The following ASH1L variants were observed in gnomAD, a reference collection of about 807,000 sequenced individuals.
The protein encoded by ASH1L is ASH1 like histone lysine methyltransferase.
Under a neutral mutation model 269.0 loss-of-function variants are expected in ASH1L, and 23 were observed. The ratio of observed to expected loss-of-function variants is 0.09; its 90% CI spans 0.06 to 0.12. The LOEUF is 0.12. Ranked by LOEUF, ASH1L falls within the 10% of genes least tolerant of loss-of-function variation. ASH1L has a pLI of 1.00. For synonymous variants in ASH1L, 1,187 were observed against 1,253.5 expected (o/e 0.95, Z 1.12); for missense variants, 2,912 against 3,567.8 (o/e 0.82, Z 4.68).
At chr1:155,427,268 G>A (rs1404028790) in intron 5 of ASH1L, among the ~76,000 whole-genome samples, 1 of 151,300 alleles carries the variant, frequency 6.6e-6, no homozygotes, top group Non-Finnish European at 1.5e-5. Context: ...ATGAGTAGCT[G>A]GGATTACAGG....
intron 12 of ASH1L, among the ~76,000 whole-genome samples, chr1:155,361,900 T>C (rs1206745085): frequency 6.6e-6 from 1 of 151,564 alleles, no homozygotes; most frequent in Non-Finnish European, 1.5e-5. Flanking sequence ...AAAGGCTTAG[T>C]TCACTTATTA....
intron 1 of ASH1L, among the ~76,000 whole-genome samples, chr1:155,553,018 G>A (rs1330572206): frequency 6.6e-6 from 1 of 152,054 alleles, no homozygotes; most frequent in Non-Finnish European, 1.5e-5. Context: ...ATATTTTACA[G>A]TCAAGGAAAC....
At chr1:155,365,372 ATTT>A (rs142145021) in intron 12 of ASH1L, among the ~76,000 whole-genome samples, 4 of 124,234 alleles carry the variant, frequency 3.2e-5, no homozygotes, top group Middle Eastern at 4.5e-3. Context: ...TGCCCGGCTG[ATTT>A]TTTTTTTTTT....
Position 155,479,377 on chromosome 1 carries a change from T to G in ASH1L, c.3493A>C (p.Thr1165Pro), listed in dbSNP as rs199883908. Residue 1165 changes from threonine to proline, a missense_variant, in exon 3 of 28, where the codon ACT becomes CCT. By Grantham distance (38) the Thr-to-Pro change is conservative. Around this residue, in one of 13 missense-constraint regions of ASH1L, gnomAD observed 157 missense variants for 154.6 expected, o/e 1.02. Transcript: ENST00000392403. ...SKGRRRLSPP[T>P]LLPNSPSHLS... is the part of the protein sequence containing the mutation. ...TGCGAAGGAGAATTTGGCAACAAAG[T>G]AGGAGGAGATAACCGCCTCCTCCCC... 3 of 1,614,010 alleles carry G rather than the reference T, an allele frequency of 1.9e-6. No homozygotes were observed. The highest frequency in any genetic ancestry group is 1.7e-6 in the Non-Finnish European group (2 of 1,180,020).
chr1:155,562,301 G>A lies in ASH1L; in HGVS notation c.-248C>T, dbSNP rs762493245. The A allele has an allele frequency of 3.1e-6, 5 of 1,593,772 alleles. No individual in the cohort carries two copies. In the Admixed American group the frequency reaches 6.7e-5, roughly 21 times the overall value. ...GCGGCCAGCGGGTAAGCTGACTGGC[G>A]GAAATGCGAGAGAGGAGAAGGGAAA... On this transcript the variant is annotated 5_prime_UTR_variant, in exon 1 of 28. Coordinates refer to ENST00000392403, the MANE Select transcript of ASH1L (RefSeq NM_018489.3).
At chr1:155,518,426 T>C (rs1461298278) in intron 2 of ASH1L, among the ~76,000 whole-genome samples, 1 of 151,896 alleles carries the variant, frequency 6.6e-6, no homozygotes, top group Non-Finnish European at 1.5e-5. Flanking sequence ...TTTTTTTGCA[T>C]CAGAGGACAC....
intron 1 of ASH1L, among the ~76,000 whole-genome samples, chr1:155,556,525 A>C (rs1022993838): frequency 2.6e-5 from 4 of 150,962 alleles, no homozygotes; most frequent in Non-Finnish European, 4.4e-5. Context: ...GCTCACTGCA[A>C]CCTCCACCTC....
intron 19 of ASH1L, among the ~76,000 whole-genome samples, chr1:155,348,727 C>CA (rs1293842672): frequency 2.6e-5 from 4 of 151,714 alleles, no homozygotes; most frequent in Non-Finnish European, 5.9e-5. Flanking sequence ...ACTAAAAATA[C>CA]AAAATTAGCC....
intron 1 of ASH1L, among the ~76,000 whole-genome samples, chr1:155,535,509 G>C (rs1272889680): frequency 6.6e-6 from 1 of 151,980 alleles, no homozygotes; most frequent in Non-Finnish European, 1.5e-5. Context: ...GGCTGGGTGT[G>C]GTGGTTCACG....
intron 3 of ASH1L, among the ~76,000 whole-genome samples, chr1:155,473,844 TA>T (rs767069809): frequency 1.3e-5 from 2 of 151,908 alleles, no homozygotes. Flanking sequence ...TATATACATA[TA>T]TTTTTTTTGA....
Position 155,478,475 on chromosome 1 carries a change from G to A in ASH1L, c.4395C>T (p.Thr1465=), listed in dbSNP as rs1441242679. The A allele has an allele frequency of 6.2e-7, 1 of 1,614,114 alleles. No individual in the cohort carries two copies. The highest frequency in any genetic ancestry group is 1.3e-5 in the African/African-American group (1 of 75,026). Reference sequence around the variant, plus strand: ...CCATCTCAGGAGGAACACTGGGGTAGGTACTCATGGAAAGGAGGGGAGTCC... The same window carrying A: ...CCATCTCAGGAGGAACACTGGGGTAAGTACTCATGGAAAGGAGGGGAGTCC... ...TSRTPLLSMS[T]YPSVPPEMAY... Residue 1465 remains threonine, a synonymous_variant, in exon 3 of 28, where the codon ACC becomes ACT. Coordinates refer to ENST00000392403, the MANE Select transcript of ASH1L (RefSeq NM_018489.3). This position sits in a 1 kb window ranked among gnomAD's most constrained non-coding sequence, Gnocchi z 4.6.
At chr1:155,424,960 C>T (rs1024520010) in intron 5 of ASH1L, among the ~76,000 whole-genome samples, 16 of 151,556 alleles carry the variant, frequency 1.1e-4, no homozygotes, top group African/African-American at 2.7e-4. Flanking sequence ...CCCACCACCT[C>T]ACCTGGCTAG....
At chr1:155,409,956 A>G (rs61591332) in intron 6 of ASH1L, among the ~76,000 whole-genome samples, 10 of 151,588 alleles carry the variant, frequency 6.6e-5, no homozygotes, top group African/African-American at 1.2e-4. Flanking sequence ...ACTTGAGGTC[A>G]GGAGTTTGAG....
At chr1:155,433,970 G>A (rs975642152) in intron 5 of ASH1L, 6 of 1,581,696 alleles carry the variant, frequency 3.8e-6, no homozygotes, top group Middle Eastern at 1.7e-4. Context: ...CAGCCACATC[G>A]CCCAGCAGCT....
At chr1:155,390,347 C>T (rs931017717) in intron 7 of ASH1L, among the ~76,000 whole-genome samples, 3 of 152,104 alleles carry the variant, frequency 2.0e-5, no homozygotes, top group Non-Finnish European at 4.4e-5. Context: ...GAGTACCTTA[C>T]CATATTATTC....
chr1:155,543,368 A>G (rs1670569743), intron 1 of ASH1L, among the ~76,000 whole-genome samples: 1 of 151,764 alleles, frequency 6.6e-6, no homozygotes, highest in African/African-American at 2.4e-5. Context: ...AAAATCAGCC[A>G]GGCATGGTGG....
At chr1:155,405,252 G>T (rs1465687005) in intron 6 of ASH1L, among the ~76,000 whole-genome samples, 2 of 151,852 alleles carry the variant, frequency 1.3e-5, no homozygotes, top group African/African-American at 2.4e-5. Context: ...GGGCTGAGGG[G>T]GGGGCAGATC....
At position 155,343,813 on chromosome 1, in the gene ASH1L, C is replaced by G; in HGVS notation, c.7982-71G>C. 1.3e-6 allele frequency: 2 copies of G among 1,561,932 alleles called. No individual in the cohort carries two copies. The highest frequency in any genetic ancestry group is 1.7e-6 in the Non-Finnish European group (2 of 1,142,946). On this transcript the variant is annotated intron_variant, in intron 22 of 27. Coordinates refer to ENST00000392403, the MANE Select transcript of ASH1L (RefSeq NM_018489.3). The surrounding 1 kb of genome is among the most constrained non-coding windows in gnomAD (Gnocchi z 6.1). ...TGAATTCTGTTAGGCATCTGTTTATCTGACTCAGGGTCTACATAGAACTCA... is the reference window on the plus strand; with the variant it reads ...TGAATTCTGTTAGGCATCTGTTTATGTGACTCAGGGTCTACATAGAACTCA...
chr1:155,420,381 AAAAC>A (rs1322490141), intron 5 of ASH1L, among the ~76,000 whole-genome samples: 3 of 150,960 alleles, frequency 2.0e-5, no homozygotes, highest in African/African-American at 7.3e-5. Context: ...AAAAAAAACA[AAAAC>A]AAAAAAACAA....
Sources: allele counts gnomAD v4.1 joint callset (sites outside exome capture counted in the v4.1 genomes callset), GRCh38; gene constraint gnomAD v4.1.1; regional missense constraint gnomAD v4.1.1; non-coding constraint Gnocchi (gnomAD v3.1); transcripts MANE v1.5; gene names NCBI Gene and HGNC (gene_info 2026-07-23, HGNC 2026-07-21).